Variants in PPP2CA observed in about 807,000 individuals in gnomAD.
PPP2CA encodes the protein protein phosphatase 2 catalytic subunit alpha.
Under a neutral mutation model 38.8 loss-of-function variants are expected in PPP2CA, and 5 were observed. The ratio of observed to expected loss-of-function variants is 0.13; its 90% confidence interval spans 0.07 to 0.27. The LOEUF (loss-of-function observed/expected upper bound fraction) is 0.27. PPP2CA is among the 10% of genes least tolerant of loss of function. The pLI, the probability that PPP2CA is intolerant of heterozygous loss-of-function variation, is 1.00. For missense variants in PPP2CA, 88 were observed against 389.7 expected, an observed-to-expected ratio of 0.23 and a Z score of 6.52; for synonymous variants, 152 against 134.0, an observed-to-expected ratio of 1.13 and a Z score of -0.93.
chr5:134,194,475 A>C lies in PPP2CA; in HGVS notation c.*3297T>G, dbSNP rs1428646620. The stretch of plus-strand genomic sequence containing the variant: ...ACACATTTATGGTTGGAAGCAAAGG[A>C]ATATTTATACTAAACAGGTAAAAGT... On this transcript the variant is annotated 3_prime_UTR_variant, in exon 7 of 7. Coordinates refer to ENST00000481195, the MANE Select transcript of PPP2CA (RefSeq NM_002715.4). 1 of 152,294 alleles carries C rather than the reference A, an allele frequency of 6.6e-6. No individual in the cohort carries two copies. Among genetic ancestry groups the C allele is most frequent in the African/African-American group, 2.4e-5 (1 of 41,466 alleles). 9.4% of individuals were successfully genotyped at this position (152,294 alleles called of 1,614,324 possible).
intron 1 of PPP2CA, among the ~76,000 whole-genome samples, chr5:134,214,146 G>A (rs1487079193): frequency 6.6e-6 from 1 of 151,798 alleles, no homozygotes; most frequent in Non-Finnish European, 1.5e-5. Context: ...ACAAAAAAAG[G>A]CTAAAAAAAA....
intron 1 of PPP2CA, among the ~76,000 whole-genome samples, chr5:134,213,416 G>GGA (rs79825196): frequency 6.8e-6 from 1 of 148,048 alleles, no homozygotes; most frequent in Admixed American, 6.8e-5. Flanking sequence ...CTACTGCTCA[G>GGA]AAAAAAAAAA....
intron 1 of PPP2CA, among the ~76,000 whole-genome samples, chr5:134,206,684 GT>G (rs1397475384): frequency 2.0e-5 from 3 of 152,110 alleles, no homozygotes; most frequent in Non-Finnish European, 4.4e-5. Flanking sequence ...TAGAGACGGG[GT>G]CTCACGTGAT....
Position 134,225,515 on chromosome 5 carries a change from T to C in PPP2CA, c.102+245A>G, listed in dbSNP as rs112421900. ...CACCTCGTCTGGCGCCAAGGCCGGCTGACTCAAAAGCCCAGGAGTCGAGTG... is the reference window on the plus strand; with the variant it reads ...CACCTCGTCTGGCGCCAAGGCCGGCCGACTCAAAAGCCCAGGAGTCGAGTG... On this transcript the variant is annotated intron_variant, in intron 1 of 6. Coordinates refer to ENST00000481195, the MANE Select transcript of PPP2CA (RefSeq NM_002715.4). 18 of 441,038 alleles carry C rather than the reference T, an allele frequency of 4.1e-5. 1 individual carries two copies. Among genetic ancestry groups the C allele is most frequent in the African/African-American group, 3.6e-4 (17 of 47,640 alleles). 27.3% of individuals were successfully genotyped at this position (441,038 alleles called of 1,614,324 possible).
At chr5:134,216,346 G>A (rs1352423249) in intron 1 of PPP2CA, among the ~76,000 whole-genome samples, 1 of 151,588 alleles carries the variant, frequency 6.6e-6, no homozygotes, top group African/African-American at 2.4e-5. Flanking sequence ...AGAACAGCCT[G>A]GGCAACATGG....
At chr5:134,203,689 T>C (rs1762015149) in intron 2 of PPP2CA, 1 of 152,214 alleles carries the variant, frequency 6.6e-6, no homozygotes, top group South Asian at 2.1e-4. Flanking sequence ...AAATGAATTT[T>C]GGGGGCTACA....
At chr5:134,215,100 T>A (rs1399856612) in intron 1 of PPP2CA, among the ~76,000 whole-genome samples, 4 of 140,136 alleles carry the variant, frequency 2.9e-5, no homozygotes, top group Non-Finnish European at 6.1e-5. Flanking sequence ...TTATTTACTT[T>A]TTTTTTTTTT....
intron 6 of PPP2CA, 119 bp from the exon 7 acceptor site, chr5:134,197,963 TG>T (rs1377802951): frequency 1.2e-6 from 1 of 807,624 alleles, no homozygotes; most frequent in African/African-American, 1.7e-5. Context: ...CTTGTCTTAA[TG>T]TAACAGAACC....
chr5:134,210,872 C>A (rs1315655330), intron 1 of PPP2CA, among the ~76,000 whole-genome samples: 1 of 152,010 alleles, frequency 6.6e-6, no homozygotes, highest in East Asian at 1.9e-4. Flanking sequence ...TTATCAGAAC[C>A]CTTCTGAAAT....
rs925478616 is a variant in PPP2CA, at chr5:134,226,058, G to A, written c.-197C>T. 5 of 517,570 alleles carry A rather than the reference G, an allele frequency of 9.7e-6. No individual in the cohort carries two copies. Among genetic ancestry groups the A allele is most frequent in the Non-Finnish European group, 1.7e-5 (5 of 293,588 alleles). 32.1% of individuals were successfully genotyped at this position (517,570 alleles called of 1,614,324 possible). On this transcript the variant is annotated 5_prime_UTR_variant, in exon 1 of 7. Coordinates refer to ENST00000481195, the MANE Select transcript of PPP2CA (RefSeq NM_002715.4). ...TCCTCCTCCGCTCGCTGAGGCTCCA[G>A]AGCTCGGCTCTCTGTAATGGCGGCC...
rs1761860081 is a variant in PPP2CA, at chr5:134,196,749, G to GT, written c.*1022dup. 1 of 152,162 alleles carries GT rather than the reference G, an allele frequency of 6.6e-6. No individual in the cohort carries two copies. The allele number at this position is 152,162 out of a possible 1,614,324, so 9.4% of individuals were successfully genotyped here. On this transcript the variant is annotated 3_prime_UTR_variant, in exon 7 of 7. Transcript: ENST00000481195. Reference sequence around the variant, plus strand: ...TTTAAGCTCTACCTGAAAACATGCTGTTTTATTAAAACAAAACCCAAAGAC... The same window carrying GT: ...TTTAAGCTCTACCTGAAAACATGCTGTTTTTATTAAAACAAAACCCAAAGAC...
intron 1 of PPP2CA, 54 bp downstream of exon 1, chr5:134,225,706 T>C (rs1432110221): frequency 6.5e-7 from 1 of 1,548,128 alleles, no homozygotes; most frequent in Non-Finnish European, 8.8e-7. Context: ...CGGCCGCCTT[T>C]TCCTCGGCGG....
chr5:134,198,285 C>G (rs905035125), intron 6 of PPP2CA, among the ~76,000 whole-genome samples: 1 of 151,330 alleles, frequency 6.6e-6, no homozygotes, highest in African/African-American at 2.4e-5. Context: ...CCCAGCTACT[C>G]GGGAGGCTGA....
intron 4 of PPP2CA, 129 bp from the exon 5 acceptor site, chr5:134,200,625 T>C (rs1356012999): frequency 2.0e-6 from 2 of 1,024,138 alleles, no homozygotes; most frequent in African/African-American, 1.6e-5. Context: ...GCTAATAGAC[T>C]GTGCAGTTGA....
In PPP2CA at chr5:134,225,849, CCTT is replaced by C. The variant is rs2149390364; in HGVS notation, c.10_12del (p.Lys4del). The stretch of plus-strand genomic sequence containing the variant: ...CACTGGTCCAGCTCCTTGGTGAACA[CCTT>C]CTCGTCCATGATGCCACCCGCCCCA... On this transcript the variant is annotated inframe_deletion, in exon 1 of 7. Transcript: ENST00000481195. 3.7e-6 allele frequency: 6 copies of C among 1,607,832 alleles called. No homozygotes were observed. The highest frequency in any genetic ancestry group is 5.1e-6 in the Non-Finnish European group (6 of 1,178,802).
At chr5:134,221,393 G>A (rs984543798) in intron 1 of PPP2CA, among the ~76,000 whole-genome samples, 2 of 152,098 alleles carry the variant, frequency 1.3e-5, no homozygotes, top group Non-Finnish European at 2.9e-5. Context: ...GATTACAGGC[G>A]TGTGAGCCAC....
rs1761962798 is a variant in PPP2CA at position 134,201,323 on chromosome 5, A to G, written c.487-249T>C. 2.0e-5 allele frequency among the ~76,000 whole-genome samples: 3 copies of G among 152,172 alleles called. No individual in the cohort carries two copies. The South Asian group carries it at 6.2e-4, about 32-fold the overall frequency. ...GGTGTTTCTGTGCTCTGCCTGAATG[A>G]GACTTGACTTTGCAGGGTTCATCTT... On this transcript the variant is annotated intron_variant, in intron 3 of 6. Transcript: ENST00000481195.
intron 1 of PPP2CA, among the ~76,000 whole-genome samples, chr5:134,220,674 C>A (rs888841001): frequency 6.6e-6 from 1 of 152,042 alleles, no homozygotes; most frequent in Non-Finnish European, 1.5e-5. Flanking sequence ...GATAAAAGAC[C>A]CCACCAAACC....
chr5:134,221,880 A>G (rs1200375555), intron 1 of PPP2CA, among the ~76,000 whole-genome samples: 1 of 151,532 alleles, frequency 6.6e-6, no homozygotes, highest in Non-Finnish European at 1.5e-5. Flanking sequence ...ATGCAGGAGA[A>G]CTGCTTGAAC....
Sources: allele counts gnomAD v4.1 joint callset (sites outside exome capture counted in the v4.1 genomes callset), GRCh38; gene constraint gnomAD v4.1.1; transcripts MANE v1.5; gene names NCBI Gene and HGNC (gene_info 2026-07-23, HGNC 2026-07-21).